The following ERC2 variants were observed in gnomAD, a reference collection of about 807,000 sequenced individuals.
ERC2 encodes ELKS/RAB6-interacting/CAST family member 2, also known as ERC protein 2.
Under a neutral mutation model 114.8 loss-of-function variants are expected in ERC2, and 42 were observed. That is an observed-to-expected ratio of 0.37 (90% confidence interval 0.29 to 0.47). The LOEUF is 0.47. ERC2 is among the 20% of genes least tolerant of loss of function. The pLI is 0.99. For missense variants in ERC2, 939 were observed against 1,150.7 expected (o/e 0.82, Z 2.66); for synonymous variants, 454 against 425.5 (o/e 1.07, Z -0.82).
At chr3:55,987,597 T>C (rs554105323) in intron 11 of ERC2, among the ~76,000 whole-genome samples, 1 of 152,228 alleles carries the variant, frequency 6.6e-6, no homozygotes, top group African/African-American at 2.4e-5. Flanking sequence ...ACCATGAAAC[T>C]TCTAAAAGAT....
intron 6 of ERC2, among the ~76,000 whole-genome samples, chr3:56,138,893 A>T (rs1023215404): frequency 6.6e-6 from 1 of 152,224 alleles, no homozygotes; most frequent in African/African-American, 2.4e-5. Flanking sequence ...TCTTCTAAGC[A>T]TGAATAAGAG....
chr3:56,093,941 C>G (rs2077922097), intron 6 of ERC2, among the ~76,000 whole-genome samples: 1 of 151,990 alleles, frequency 6.6e-6, no homozygotes, highest in African/African-American at 2.4e-5. Flanking sequence ...GGGTGTGTGC[C>G]ATGATGGAGC....
chr3:55,876,587 T>C (rs1390891051), intron 14 of ERC2, among the ~76,000 whole-genome samples: 1 of 152,244 alleles, frequency 6.6e-6, no homozygotes, highest in Non-Finnish European at 1.5e-5. Flanking sequence ...GGGGCTGTTA[T>C]AATTGTGCAT....
chr3:56,149,475 C>T (rs1012383505), intron 4 of ERC2, among the ~76,000 whole-genome samples: 98 of 152,232 alleles, frequency 6.4e-4, no homozygotes, highest in African/African-American at 2.3e-3. Flanking sequence ...AGATTTTAAT[C>T]TGGGATATAG....
chr3:55,928,874 C>A (rs1260379217), intron 13 of ERC2, among the ~76,000 whole-genome samples: 1 of 152,196 alleles, frequency 6.6e-6, no homozygotes, highest in Non-Finnish European at 1.5e-5. Flanking sequence ...TGTCCTTTCC[C>A]CAATGTATCA....
chr3:56,453,362 T>A (rs556298216), intron 1 of ERC2, among the ~76,000 whole-genome samples: 2 of 152,146 alleles, frequency 1.3e-5, no homozygotes, highest in African/African-American at 2.4e-5. Context: ...AGAATAAAGA[T>A]AACATGGAGC....
intron 2 of ERC2, among the ~76,000 whole-genome samples, chr3:56,365,935 T>C (rs2059133408): frequency 6.6e-6 from 1 of 152,202 alleles, no homozygotes; most frequent in Admixed American, 6.5e-5. Flanking sequence ...TCATATTTAC[T>C]GAGAGACTAA....
intron 1 of ERC2, among the ~76,000 whole-genome samples, chr3:56,443,113 T>C (rs548394578): frequency 1.3e-5 from 2 of 152,230 alleles, no homozygotes; most frequent in Non-Finnish European, 2.9e-5. Flanking sequence ...ATTCTGTATT[T>C]ATTTTTCACA....
intron 3 of ERC2, among the ~76,000 whole-genome samples, chr3:56,254,491 C>T (rs1481682399): frequency 6.6e-6 from 1 of 152,160 alleles, no homozygotes; most frequent in Non-Finnish European, 1.5e-5. Flanking sequence ...GAGGAGGCCC[C>T]ACCTCTGGCT....
At chr3:55,525,498 C>A (rs556135857) in intron 17 of ERC2, among the ~76,000 whole-genome samples, 2 of 152,224 alleles carry the variant, frequency 1.3e-5, no homozygotes, top group South Asian at 4.2e-4. Flanking sequence ...AAGATGACTT[C>A]CAGGTTGAGA....
chr3:55,754,478 A>G (rs895253855), intron 14 of ERC2, among the ~76,000 whole-genome samples: 2 of 136,330 alleles, frequency 1.5e-5, no homozygotes, highest in African/African-American at 2.6e-5. Flanking sequence ...CAATATTTCA[A>G]CGGCTCTTCA....
rs2149525501 is a variant in ERC2, at chr3:55,992,134, C to T, written c.2178G>A (p.Val726=). 1.9e-6 allele frequency: 3 copies of T among 1,613,976 alleles called. No homozygotes were observed. The highest frequency in any genetic ancestry group is 2.5e-6 in the Non-Finnish European group (3 of 1,179,890). Residue 726 remains valine (V), a synonymous_variant, in exon 11 of 18, where the codon GTG becomes GTA. Transcript: ENST00000288221. ...RDECGKAQAE[V]DRLLEILKEV... ...CCTTGAGGATCTCCAGCAACCGGTC[C>T]ACTTCCGCTTGGGCCTTGCCACACT...
intron 3 of ERC2, among the ~76,000 whole-genome samples, chr3:56,187,781 G>A (rs2083715400): frequency 6.6e-6 from 1 of 152,114 alleles, no homozygotes; most frequent in East Asian, 1.9e-4. Flanking sequence ...ATGGGGGAGG[G>A]AATTATAGGA....
At chr3:55,831,580 T>C (rs1455605888) in intron 14 of ERC2, among the ~76,000 whole-genome samples, 1 of 152,044 alleles carries the variant, frequency 6.6e-6, no homozygotes, top group Non-Finnish European at 1.5e-5. Flanking sequence ...ATATCAAGGA[T>C]TATAATAGTC....
intron 14 of ERC2, among the ~76,000 whole-genome samples, chr3:55,844,322 T>C (rs2061262625): frequency 6.6e-6 from 1 of 152,090 alleles, no homozygotes; most frequent in Non-Finnish European, 1.5e-5. Context: ...AACAGAATGG[T>C]TTAAAAGAAA....
At chr3:55,522,845 G>C (rs976320583) in intron 17 of ERC2, among the ~76,000 whole-genome samples, 1 of 152,198 alleles carries the variant, frequency 6.6e-6, no homozygotes, top group Admixed American at 6.5e-5. Flanking sequence ...ATCTGTTATG[G>C]GGCTTCCAGC....
intron 12 of ERC2, chr3:55,955,093 A>G: frequency 2.0e-6 from 1 of 497,856 alleles, no homozygotes; most frequent in Non-Finnish European, 4.0e-6. Flanking sequence ...ATGTTAAAAT[A>G]GGAATGCCTA....
At chr3:56,185,368 C>T (rs913854095) in intron 3 of ERC2, 2 of 152,232 alleles carry the variant, frequency 1.3e-5, no homozygotes, top group Non-Finnish European at 2.9e-5. Context: ...TCATCTGTAA[C>T]TGTTATCCTA....
chr3:55,783,285 G>T (rs946316262), intron 14 of ERC2, among the ~76,000 whole-genome samples: 1 of 152,154 alleles, frequency 6.6e-6, no homozygotes, highest in African/African-American at 2.4e-5. Flanking sequence ...CCACTCCCTG[G>T]CCCAGTAACC....
Sources: gnomAD v4.1 joint callset for allele counts (sites outside exome capture counted in the v4.1 genomes callset) on GRCh38, gnomAD v4.1.1 for gene constraint, MANE v1.5 for transcripts, NCBI Gene and HGNC (gene_info 2026-07-23, HGNC 2026-07-21) for gene names.